Variants in CEP350 observed in about 807,000 individuals in gnomAD.
CEP350 encodes centrosomal protein 350, also known as centrosome-associated protein 350.
In CEP350, 126 loss-of-function variants were observed where a neutral mutation model predicts 331.8. That is an observed-to-expected ratio of 0.38 (90% CI 0.33 to 0.44). CEP350 has a LOEUF of 0.44. CEP350 is among the 20% of genes least tolerant of loss of function. CEP350 has a pLI of 1.00. For synonymous variants in CEP350, 1,200 were observed against 1,259.5 expected (o/e 0.95, Z 1.00); for missense variants, 3,406 against 3,634.6 (o/e 0.94, Z 1.62).
At chr1:179,975,861 A>G (rs1651824152) in intron 1 of CEP350, among the ~76,000 whole-genome samples, 1 of 152,216 alleles carries the variant, frequency 6.6e-6, no homozygotes, top group African/African-American at 2.4e-5. Flanking sequence ...TAAAGCCATG[A>G]AAGTACGTGA....
chr1:180,065,309 A>T, intron 27 of CEP350, 37 bp downstream of exon 27: 16 of 1,560,908 alleles, frequency 1.0e-5, no homozygotes, highest in Non-Finnish European at 1.3e-5. Flanking sequence ...GTTTAGTTAC[A>T]TTGAAAGTAG....
Position 180,080,547 on chromosome 1 carries a change from A to C in CEP350, c.6010A>C (p.Lys2004Gln). The C allele has an allele frequency of 6.2e-7, 1 of 1,613,842 alleles. No homozygotes were observed. Among genetic ancestry groups the C allele is most frequent in the Non-Finnish European group, 8.5e-7 (1 of 1,179,764 alleles). The change falls in exon 30 of 38, where the codon AAG becomes CAG. Residue 2004 changes from lysine to glutamine, a missense_variant. Coordinates refer to ENST00000367607, the MANE Select transcript of CEP350 (RefSeq NM_014810.5). The stretch of plus-strand genomic sequence containing the variant: ...TCCCAAAAGCTGCACATCTGTGTCA[A>C]AGCAGGAGTCTAGCAAAGGAAGTCA... ...SLPKSCTSVS[K>Q]QESSKGSHRT...
At chr1:179,992,318 G>A in intron 5 of CEP350, 97 bp downstream of exon 5, 1 of 1,002,848 alleles carries the variant, frequency 1.0e-6, no homozygotes, top group Non-Finnish European at 1.4e-6. Context: ...ATAGCACTCT[G>A]GTTGTGAAAT....
chr1:180,041,944 A>G lies in CEP350; in HGVS notation c.4362+142A>G, dbSNP rs79449503. 4.5e-3 allele frequency: 3,158 copies of G among 694,302 alleles called. 77 individuals carry two copies. In the African/African-American group the frequency reaches 0.051, roughly 11 times the overall value. The allele number at this position is 694,302 out of a possible 1,614,324, so 43.0% of individuals were successfully genotyped here. A position where few individuals can be genotyped will look rare whatever the true frequency, so the allele number is the denominator to read the frequency against. On this transcript the variant is annotated intron_variant, in intron 19 of 37. Transcript: ENST00000367607. Reference sequence around the variant, plus strand: ...TTTAGTGGGGGCCATACCCTATTGAAATAAGAGGCACCATTGATTGGAGTG... The same window carrying G: ...TTTAGTGGGGGCCATACCCTATTGAGATAAGAGGCACCATTGATTGGAGTG...
chr1:180,048,245 T>C (rs1450383508), intron 21 of CEP350, among the ~76,000 whole-genome samples: 1 of 152,176 alleles, frequency 6.6e-6, no homozygotes, highest in Non-Finnish European at 1.5e-5. Context: ...GTAGCTCCCT[T>C]TCCCAGAAGT....
Position 180,096,050 on chromosome 1 carries a change from T to A in CEP350, c.8932T>A (p.Leu2978Ile). 6.4e-7 allele frequency: 1 copy of A among 1,552,260 alleles called. No individual in the cohort carries two copies. The highest frequency in any genetic ancestry group is 2.0e-5 in the Admixed American group (1 of 50,760). ...TTTCTCTATCAAGGCGGTTTTTGAT[T>A]TAACAAAAGAGATTTTTGAGGAAAT... ...KRVYKQAVFD[L>I]TKEIFEEIFA... is the part of the protein sequence containing the mutation. The change falls in exon 36 of 38, where the codon TTA becomes ATA. Residue 2978 changes from leucine (L) to isoleucine (I), a missense_variant. By Grantham distance (5) the Leu-to-Ile change is conservative (BLOSUM62 2). Coordinates refer to ENST00000367607, the MANE Select transcript of CEP350 (RefSeq NM_014810.5).
chr1:180,003,641 T>TAAGA (rs766588351), intron 7 of CEP350, among the ~76,000 whole-genome samples: 3 of 152,228 alleles, frequency 2.0e-5, no homozygotes, highest in Non-Finnish European at 4.4e-5. Context: ...AGGCAGCAGG[T>TAAGA]AAGATACTTA....
chr1:179,998,516 G>T (rs936864886), intron 6 of CEP350, among the ~76,000 whole-genome samples: 16 of 151,542 alleles, frequency 1.1e-4, no homozygotes, highest in African/African-American at 3.9e-4. Flanking sequence ...ATGTTGGCCA[G>T]GCTGGTCTTG....
At chr1:179,958,124 A>G (rs779062764) in intron 1 of CEP350, among the ~76,000 whole-genome samples, 72 of 152,312 alleles carry the variant, frequency 4.7e-4, no homozygotes, top group Non-Finnish European at 5.1e-4. Context: ...TCAACTTGGC[A>G]GTCTATTCAG....
intron 37 of CEP350, among the ~76,000 whole-genome samples, chr1:180,102,923 G>A (rs1473416904): frequency 1.3e-5 from 2 of 152,164 alleles, no homozygotes; most frequent in Admixed American, 6.5e-5. Context: ...GAAAATTAAC[G>A]ACACAGACAC....
intron 16 of CEP350, among the ~76,000 whole-genome samples, chr1:180,034,473 CT>C (rs11451813): frequency 3.3e-4 from 48 of 145,350 alleles, no homozygotes; most frequent in African/African-American, 6.5e-4. Context: ...GTTTTTTTGT[CT>C]TTTTTTTTTT....
intron 14 of CEP350, 75 bp from the exon 15 acceptor site, chr1:180,031,245 A>T (rs1467850710): frequency 1.2e-6 from 1 of 807,198 alleles, no homozygotes; most frequent in African/African-American, 1.8e-5. Flanking sequence ...TATTTTATTG[A>T]AATCTATATA....
rs1653990527 is a variant in CEP350 at position 180,003,276 on chromosome 1, T to C, written c.1121T>C (p.Leu374Pro). ...MSRELYRDLA[L>P]HFADDISIKE... ...AGAGAACTGTATCGAGATTTAGCACTTCACTTTGCAGGTGAGAATAGAGCT... is the reference window on the plus strand; with the variant it reads ...AGAGAACTGTATCGAGATTTAGCACCTCACTTTGCAGGTGAGAATAGAGCT... The change falls in exon 7 of 38, where the codon CTT becomes CCT. Residue 374 changes from leucine (L) to proline (P), a missense_variant. By Grantham distance (98) the Leu-to-Pro change is moderately conservative (BLOSUM62 -3). Around this residue, in one of 5 missense-constraint regions of CEP350, gnomAD observed 1,857 missense variants for 1,909.2 expected, o/e 0.97. Transcript: ENST00000367607. 6.2e-7 allele frequency: 1 copy of C among 1,605,384 alleles called. No individual in the cohort carries two copies. Among genetic ancestry groups the C allele is most frequent in the African/African-American group, 1.3e-5 (1 of 74,872 alleles).
At chr1:180,016,076 A>G (rs1207251723) in intron 11 of CEP350, 106 bp downstream of exon 11, 2 of 1,317,354 alleles carry the variant, frequency 1.5e-6, no homozygotes, top group East Asian at 2.3e-5. Context: ...GAGGGCAGAG[A>G]GGTTTATTTA....
chr1:180,008,942 A>G (rs1654436048), intron 8 of CEP350, among the ~76,000 whole-genome samples: 2 of 152,326 alleles, frequency 1.3e-5, no homozygotes, highest in Admixed American at 6.5e-5. Flanking sequence ...TAATAGAGTG[A>G]CACTTGCTAT....
intron 27 of CEP350, among the ~76,000 whole-genome samples, chr1:180,071,556 CACCTGAGG>C (rs1658897714): frequency 6.6e-6 from 1 of 151,758 alleles, no homozygotes; most frequent in Non-Finnish European, 1.5e-5. Flanking sequence ...GCAGATGGAT[CACCTGAGG>C]TCAGGAGTTC....
At chr1:180,011,079 C>A (rs1331614098) in intron 8 of CEP350, among the ~76,000 whole-genome samples, 1 of 151,608 alleles carries the variant, frequency 6.6e-6, no homozygotes, top group Non-Finnish European at 1.5e-5. Flanking sequence ...GGATGAAAAT[C>A]TTTTTTTCTT....
At chr1:180,026,935 T>G (rs1236767622) in intron 14 of CEP350, among the ~76,000 whole-genome samples, 1 of 152,232 alleles carries the variant, frequency 6.6e-6, no homozygotes, top group Non-Finnish European at 1.5e-5. Flanking sequence ...TGAACATTGG[T>G]GTACAAATAC....
At chr1:180,032,243 A>G (rs1199480995) in intron 15 of CEP350, among the ~76,000 whole-genome samples, 1 of 152,096 alleles carries the variant, frequency 6.6e-6, no homozygotes, top group Non-Finnish European at 1.5e-5. Context: ...CTCTGAGAAG[A>G]CACAGATTTA....
Sources: gnomAD v4.1 joint callset for allele counts (sites outside exome capture counted in the v4.1 genomes callset) on GRCh38, gnomAD v4.1.1 for gene constraint, gnomAD v4.1.1 regional missense constraint, MANE v1.5 for transcripts, NCBI Gene and HGNC (gene_info 2026-07-23, HGNC 2026-07-21) for gene names.